Variants in SYNJ1 observed in about 807,000 individuals in gnomAD.
The protein encoded by SYNJ1 is polyphosphatidylinositol phosphatase SYNJ1.
In SYNJ1, 78 loss-of-function variants were observed where a neutral mutation model predicts 168.2. The observed-to-expected ratio is 0.46, with a 90% CI of 0.39 to 0.56. SYNJ1 has a LOEUF of 0.56. Among genes scored for constraint, SYNJ1 ranks in the 20% least tolerant of loss-of-function variants. The pLI is 0.00. For synonymous variants in SYNJ1, 539 were observed against 548.6 expected, an observed-to-expected ratio of 0.98 and a Z score of 0.24; for missense variants, 1,303 against 1,597.6, an observed-to-expected ratio of 0.82 and a Z score of 3.14.
At position 32,659,736 on chromosome 21, in the gene SYNJ1, G is replaced by A. The variant is rs116351694; in HGVS notation, c.2305-1864C>T. Among the ~76,000 whole-genome samples the A allele has an allele frequency of 1.7e-3, 253 of 152,284 alleles. 3 individuals carry two copies. Among genetic ancestry groups the A allele is most frequent in the African/African-American group, 5.7e-3 (237 of 41,566 alleles). ...CTCGGGGAGCTCAGTTTTTGGAGACGCAAGTCTGCCGATGCTCCCAGCTGA... is the reference window on the plus strand; with the variant it reads ...CTCGGGGAGCTCAGTTTTTGGAGACACAAGTCTGCCGATGCTCCCAGCTGA... On this transcript the variant is annotated intron_variant, in intron 18 of 32. Coordinates refer to ENST00000674351, the MANE Select transcript of SYNJ1 (RefSeq NM_203446.3).
chr21:32,674,319 C>T (rs2041319502), intron 13 of SYNJ1, among the ~76,000 whole-genome samples: 1 of 152,230 alleles, frequency 6.6e-6, no homozygotes, highest in African/African-American at 2.4e-5. Context: ...CTTTACTTTC[C>T]AATGAGGCCT....
chr21:32,662,927 C>A (rs1481687236), intron 18 of SYNJ1, among the ~76,000 whole-genome samples: 1 of 152,196 alleles, frequency 6.6e-6, no homozygotes, highest in Non-Finnish European at 1.5e-5. Flanking sequence ...ATCAATGGGG[C>A]TGGACTGGAT....
chr21:32,714,139 CG>C (rs1397342027), intron 2 of SYNJ1, among the ~76,000 whole-genome samples: 1 of 151,968 alleles, frequency 6.6e-6, no homozygotes, highest in Non-Finnish European at 1.5e-5. Context: ...TTTGAGCAGA[CG>C]GAACAGCATA....
intron 2 of SYNJ1, among the ~76,000 whole-genome samples, chr21:32,726,549 A>G (rs1282123552): frequency 6.6e-6 from 1 of 152,212 alleles, no homozygotes; most frequent in Non-Finnish European, 1.5e-5. Flanking sequence ...AGAAAGCAAA[A>G]TCCTGCAACC....
chr21:32,674,706 T>G (rs764001421), intron 13 of SYNJ1, among the ~76,000 whole-genome samples: 6 of 151,940 alleles, frequency 3.9e-5, no homozygotes, highest in Admixed American at 6.6e-5. Flanking sequence ...GCATAGAACC[T>G]TAAAAGCACC....
intron 14 of SYNJ1, among the ~76,000 whole-genome samples, chr21:32,672,340 T>C (rs1259006383): frequency 5.9e-5 from 9 of 151,836 alleles, no homozygotes; most frequent in African/African-American, 1.7e-4. Context: ...TTCTTTCTTT[T>C]TTTTTGTTTT....
intron 1 of SYNJ1, among the ~76,000 whole-genome samples, chr21:32,727,606 G>A (rs1273010461): frequency 6.6e-6 from 1 of 151,182 alleles, no homozygotes; most frequent in Admixed American, 6.6e-5. Context: ...TCGACTGCCC[G>A]GGAAAGCGGC....
At chr21:32,650,693 TTAAG>T (rs1208050346) in intron 22 of SYNJ1, among the ~76,000 whole-genome samples, 2 of 152,226 alleles carry the variant, frequency 1.3e-5, no homozygotes, top group Non-Finnish European at 2.9e-5. Flanking sequence ...GATTCACAGA[TTAAG>T]TAATTGTTCC....
chr21:32,652,380 T>C (rs1387500479), intron 22 of SYNJ1, among the ~76,000 whole-genome samples: 2 of 152,128 alleles, frequency 1.3e-5, no homozygotes, highest in Non-Finnish European at 2.9e-5. Context: ...CTTGTATTTT[T>C]AGTAGAGACA....
chr21:32,720,042 C>A (rs1213693364), intron 2 of SYNJ1, among the ~76,000 whole-genome samples: 1 of 152,092 alleles, frequency 6.6e-6, no homozygotes, highest in Admixed American at 6.6e-5. Flanking sequence ...GAGCTCAAGA[C>A]CAGCCTGACC....
chr21:32,704,925 G>A (rs1439175694), intron 2 of SYNJ1, among the ~76,000 whole-genome samples: 1 of 152,034 alleles, frequency 6.6e-6, no homozygotes, highest in Non-Finnish European at 1.5e-5. Flanking sequence ...CCAGGTGGGC[G>A]GATTATGAGG....
At position 32,653,142 on chromosome 21, in the gene SYNJ1, T is replaced by A. The variant is rs550772792; in HGVS notation, c.2874+146A>T. 2.8e-3 allele frequency: 1,779 copies of A among 638,178 alleles called. 6 individuals are homozygous for A. Among genetic ancestry groups the A allele is most frequent in the Admixed American group, 3.9e-3 (116 of 29,714 alleles). 39.5% of individuals were successfully genotyped at this position (638,178 alleles called of 1,614,324 possible). On this transcript the variant is annotated intron_variant, in intron 22 of 32. Coordinates refer to ENST00000674351, the MANE Select transcript of SYNJ1 (RefSeq NM_203446.3). ...AGGCTAGTCAGAAATCCAGTCTAAATAAAAAACATTAAATAACTCCTCGAA... is the reference window on the plus strand; with the variant it reads ...AGGCTAGTCAGAAATCCAGTCTAAAAAAAAAACATTAAATAACTCCTCGAA...
intron 6 of SYNJ1, among the ~76,000 whole-genome samples, chr21:32,689,742 C>A (rs1022041057): frequency 1.3e-5 from 2 of 152,154 alleles, no homozygotes; most frequent in Non-Finnish European, 2.9e-5. Context: ...AAGCATTATC[C>A]CTCACTGCAC....
At chr21:32,679,220 C>T (rs2041529873) in intron 11 of SYNJ1, among the ~76,000 whole-genome samples, 1 of 151,982 alleles carries the variant, frequency 6.6e-6, no homozygotes, top group South Asian at 2.1e-4. Flanking sequence ...GCTTAACTGC[C>T]CCTAGAAAAA....
chr21:32,684,172 A>T, intron 9 of SYNJ1, 53 bp from the exon 10 acceptor site: 3 of 1,533,306 alleles, frequency 2.0e-6, no homozygotes, highest in Non-Finnish European at 2.7e-6. Context: ...AAGCTAAAAC[A>T]AACAGTGAAT....
chr21:32,678,279 T>G (rs945022933), intron 12 of SYNJ1, among the ~76,000 whole-genome samples: 1 of 152,188 alleles, frequency 6.6e-6, no homozygotes, highest in Non-Finnish European at 1.5e-5. Flanking sequence ...TAGGCATTAG[T>G]TTTCCCAGTA....
rs1175073397 is a variant in SYNJ1 at position 32,672,079 on chromosome 21, AAAAAAGAAAAAG to A, written c.1726+1249_1726+1260del. On this transcript the variant is annotated intron_variant, in intron 14 of 32. Transcript: ENST00000674351. ...AATCTCAAAAAAAAAAAAAAAAAAA[AAAAAAGAAAAAG>A]AAAAAGAAAAAGAAAAGAAAGAAAG... is the stretch of plus-strand genomic sequence containing the variant. Among the ~76,000 whole-genome samples, 66 of 117,966 alleles carry A rather than the reference AAAAAAGAAAAAG, an allele frequency of 5.6e-4. 1 individual carries two copies. The highest frequency in any genetic ancestry group is 1.2e-3 in the African/African-American group (38 of 31,738). 77.4% of individuals were successfully genotyped at this position (117,966 alleles called of 152,430 possible). A position where few individuals can be genotyped will look rare whatever the true frequency, so the allele number is the denominator to read the frequency against.
rs181168631 is a variant in SYNJ1 at position 32,631,338 on chromosome 21, C to T, written c.*467G>A. The stretch of plus-strand genomic sequence containing the variant: ...CTGTAGATCAAAACTGTCCTTAAAG[C>T]CATCAAGTGAAGATGAAGCCCTGCT... On this transcript the variant is annotated 3_prime_UTR_variant, in exon 33 of 33. Transcript: ENST00000674351. 6.2e-7 allele frequency: 1 copy of T among 1,614,158 alleles called. No homozygotes were observed.
intron 31 of SYNJ1, among the ~76,000 whole-genome samples, chr21:32,636,047 T>A (rs1478985904): frequency 1.3e-5 from 2 of 152,184 alleles, no homozygotes; most frequent in African/African-American, 4.8e-5. Flanking sequence ...AACATGAGAC[T>A]CTTATTTAAC....
Sources: allele counts gnomAD v4.1 joint callset (sites outside exome capture counted in the v4.1 genomes callset), GRCh38; gene constraint gnomAD v4.1.1; transcripts MANE v1.5; gene names NCBI Gene and HGNC (gene_info 2026-07-23, HGNC 2026-07-21).